The following IFT80 variants were observed in gnomAD, a reference collection of about 807,000 sequenced individuals.
IFT80 encodes the protein intraflagellar transport protein 80 homolog.
Under a neutral mutation model 107.9 loss-of-function variants are expected in IFT80, and 79 were observed. The ratio of observed to expected loss-of-function variants is 0.73; its 90% confidence interval spans 0.61 to 0.88. The LOEUF (loss-of-function observed/expected upper bound fraction) is 0.88, where lower values mean the gene tolerates loss of function less well. Ranked by LOEUF, IFT80 falls within the 40% of genes least tolerant of loss-of-function variation. IFT80 has a pLI of 0.00. For synonymous variants in IFT80, 299 were observed against 300.9 expected, an observed-to-expected ratio of 0.99 and a Z score of 0.07; for missense variants, 797 against 914.2, an observed-to-expected ratio of 0.87 and a Z score of 1.65.
At chr3:160,359,243 T>C (rs1252245050) in intron 6 of IFT80, among the ~76,000 whole-genome samples, 5 of 152,006 alleles carry the variant, frequency 3.3e-5, no homozygotes, top group African/African-American at 4.8e-5. Flanking sequence ...TTCACTCTAC[T>C]ACCTCCTGGC....
At chr3:160,278,492 C>A (rs1268115412) in intron 16 of IFT80, among the ~76,000 whole-genome samples, 1 of 152,146 alleles carries the variant, frequency 6.6e-6, no homozygotes, top group East Asian at 1.9e-4. Context: ...CTGCAGTCCA[C>A]CACTTTTCCC....
chr3:160,282,280 A>C (rs994091105), intron 14 of IFT80, among the ~76,000 whole-genome samples, 198 bp downstream of exon 14: 1 of 152,194 alleles, frequency 6.6e-6, no homozygotes, highest in Non-Finnish European at 1.5e-5. Flanking sequence ...ACCCTGTCTC[A>C]ATAAAACACA....
chr3:160,386,719 T>C (rs1451317720), intron 1 of IFT80, among the ~76,000 whole-genome samples: 1 of 152,134 alleles, frequency 6.6e-6, no homozygotes, highest in Middle Eastern at 3.2e-3. Context: ...GGCCTCAAAA[T>C]TGATCTTCCT....
chr3:160,327,642 G>T (rs771481939), intron 8 of IFT80, among the ~76,000 whole-genome samples: 6 of 152,116 alleles, frequency 3.9e-5, no homozygotes, highest in Non-Finnish European at 7.4e-5. Flanking sequence ...GCCATATGCA[G>T]GAAAGTGAAA....
In IFT80 at chr3:160,285,982, G is replaced by C. The variant is rs2095528; in HGVS notation, c.1316-114C>G. On this transcript the variant is annotated intron_variant, in intron 12 of 19. Coordinates refer to ENST00000326448, the MANE Select transcript of IFT80 (RefSeq NM_020800.3). ...ATTATTTAACTCTCTAGACCACAGA[G>C]AGAGCAGCAGCATCCAATTTTAATT... The C allele has an allele frequency of 5.2e-3, 3,421 of 664,052 alleles. 30 individuals carry two copies. The highest frequency in any genetic ancestry group is 0.022 in the South Asian group (1,070 of 49,334). 41.1% of individuals were successfully genotyped at this position (664,052 alleles called of 1,614,324 possible).
At chr3:160,345,766 G>A (rs2108343400) in intron 8 of IFT80, among the ~76,000 whole-genome samples, 1 of 151,636 alleles carries the variant, frequency 6.6e-6, no homozygotes, top group South Asian at 2.1e-4. Flanking sequence ...GGGGAGGAGA[G>A]GAGGTGGGAA....
At chr3:160,364,371 T>C (rs1721709391) in intron 6 of IFT80, among the ~76,000 whole-genome samples, 1 of 152,270 alleles carries the variant, frequency 6.6e-6, no homozygotes. Flanking sequence ...GGAGAAGATA[T>C]GGAGAAACAG....
At chr3:160,275,587 A>C (rs1360244152) in intron 18 of IFT80, among the ~76,000 whole-genome samples, 2 of 152,214 alleles carry the variant, frequency 1.3e-5, no homozygotes, top group Non-Finnish European at 1.5e-5. Context: ...TATTAATGAC[A>C]ACGAAATGGA....
chr3:160,264,988 C>G (rs1455949676), intron 19 of IFT80, among the ~76,000 whole-genome samples: 1 of 152,142 alleles, frequency 6.6e-6, no homozygotes, highest in East Asian at 1.9e-4. Context: ...ACAGTCTCTG[C>G]TGATTGCCTC....
intron 18 of IFT80, among the ~76,000 whole-genome samples, chr3:160,273,908 T>C (rs1714022836): frequency 6.6e-6 from 1 of 152,204 alleles, no homozygotes; most frequent in Admixed American, 6.5e-5. Context: ...AAGAAACACA[T>C]GAAAAGGAGA....
In IFT80 at chr3:160,356,104, T is replaced by C. The variant is rs1305518301; in HGVS notation, c.686A>G (p.Glu229Gly). Residue 229 changes from glutamate to glycine, a missense_variant, in exon 8 of 20, where the codon GAG becomes GGG. Physicochemically the swap from Glu to Gly is moderately conservative, Grantham distance 98. Transcript: ENST00000326448. ...CCAGGCAACTGAAGTAATGGGATGC[T>C]CATGAGGTTGTGAATTGTACAGTGG... ...GRPLYNSQPH[E>G]HPITSVAWAP... 6.2e-7 allele frequency: 1 copy of C among 1,614,026 alleles called. No individual in the cohort carries two copies. The highest frequency in any genetic ancestry group is 1.3e-5 in the African/African-American group (1 of 74,930).
rs113712680 is a variant in IFT80 at position 160,390,050 on chromosome 3, T to C, written c.-46-5404A>G. 1.7e-3 allele frequency among the ~76,000 whole-genome samples: 262 copies of C among 152,204 alleles called. 1 individual carries two copies. The highest frequency in any genetic ancestry group is 5.8e-3 in the African/African-American group (241 of 41,534). On this transcript the variant is annotated intron_variant, in intron 1 of 19. Transcript: ENST00000326448. ...AACAGAATCAACTGTCCAGATACAGTAACGAGAGATAAAACTCTGACATAT... is the reference window on the plus strand; with the variant it reads ...AACAGAATCAACTGTCCAGATACAGCAACGAGAGATAAAACTCTGACATAT...
At chr3:160,267,560 G>C (rs966123728) in intron 19 of IFT80, among the ~76,000 whole-genome samples, 1 of 152,204 alleles carries the variant, frequency 6.6e-6, no homozygotes, top group Non-Finnish European at 1.5e-5. Context: ...ACAGCTCTTA[G>C]GAGTCAAGCT....
chr3:160,358,319 A>C (rs1721248899), intron 6 of IFT80, among the ~76,000 whole-genome samples: 1 of 146,582 alleles, frequency 6.8e-6, no homozygotes, highest in Non-Finnish European at 1.5e-5. Context: ...AGCCCCCCTC[A>C]ACCATTTTTT....
At chr3:160,308,667 T>C (rs1370159769) in intron 9 of IFT80, among the ~76,000 whole-genome samples, 1 of 152,138 alleles carries the variant, frequency 6.6e-6, no homozygotes, top group South Asian at 2.1e-4. Flanking sequence ...ATTATAATAT[T>C]AATGAACAAT....
intron 4 of IFT80, among the ~76,000 whole-genome samples, chr3:160,377,070 T>C (rs897663522): frequency 1.3e-5 from 2 of 152,166 alleles, no homozygotes; most frequent in African/African-American, 4.8e-5. Flanking sequence ...AGAAAACTAA[T>C]GTAATAGGTT....
intron 8 of IFT80, among the ~76,000 whole-genome samples, chr3:160,355,530 C>G (rs939200900): frequency 5.9e-5 from 9 of 152,086 alleles, no homozygotes; most frequent in Non-Finnish European, 1.2e-4. Context: ...GGATTACAGG[C>G]ATGAAACACC....
At chr3:160,361,390 C>A (rs2108369235) in intron 6 of IFT80, among the ~76,000 whole-genome samples, 1 of 152,252 alleles carries the variant, frequency 6.6e-6, no homozygotes, top group East Asian at 1.9e-4. Flanking sequence ...TCCTTAGAGA[C>A]CTAAAAAGAA....
intron 19 of IFT80, among the ~76,000 whole-genome samples, chr3:160,260,380 G>A (rs918791701): frequency 5.3e-5 from 8 of 152,152 alleles, no homozygotes; most frequent in Non-Finnish European, 1.2e-4. Context: ...TAGAGAAGAC[G>A]AAACTTGATG....
Sources: allele counts gnomAD v4.1 joint callset (sites outside exome capture counted in the v4.1 genomes callset), GRCh38; gene constraint gnomAD v4.1.1; transcripts MANE v1.5; gene names NCBI Gene and HGNC (gene_info 2026-07-23, HGNC 2026-07-21).